ABCC1: variants seen among roughly 807,000 people sequenced by gnomAD.
The protein encoded by ABCC1 is multidrug resistance-associated protein 1.
ABCC1 carries 83 observed loss-of-function variants against 172.9 expected under a neutral mutation model. The ratio of observed to expected loss-of-function variants is 0.48; its 90% CI spans 0.40 to 0.58. The LOEUF (loss-of-function observed/expected upper bound fraction) is 0.58, where lower values mean the gene tolerates loss of function less well. ABCC1 is among the 20% of genes least tolerant of loss of function. ABCC1 has a pLI of 0.00. For missense variants in ABCC1, 1,817 were observed against 2,002.7 expected (o/e 0.91, Z 1.77); for synonymous variants, 937 against 825.2 (o/e 1.14, Z -2.32).
Position 16,136,528 on chromosome 16 carries a change from C to T in ABCC1, c.4176C>T (p.Ser1392=). 1 of 1,614,162 alleles carries T rather than the reference C, an allele frequency of 6.2e-7. No individual in the cohort carries two copies. Among genetic ancestry groups the T allele is most frequent in the Non-Finnish European group, 8.5e-7 (1 of 1,180,020 alleles). The stretch of plus-strand genomic sequence containing the variant: ...TCCGAATGAACCTGGACCCATTCAG[C>T]CAGTACTCGGATGAAGAAGTCTGGA... ...GSLRMNLDPF[S]QYSDEEVWTS... Residue 1392 remains serine (S), a synonymous_variant, in exon 29 of 31, where the codon AGC becomes AGT. Transcript: ENST00000399410.
Position 16,115,063 on chromosome 16 carries a change from ACTT to A in ABCC1, c.3382_3384del (p.Phe1128del). On this transcript the variant is annotated inframe_deletion, in exon 23 of 31. Transcript: ENST00000399410. ...ATCATCCCGCCCCTTGGCCTCATCTACTTCTTCGTCCAGGTAAGGGGTGAGGTC... is the reference window on the plus strand; with the variant it reads ...ATCATCCCGCCCCTTGGCCTCATCTACTTCGTCCAGGTAAGGGGTGAGGTC... The A allele has an allele frequency of 6.2e-7, 1 of 1,613,542 alleles. No individual in the cohort carries two copies.
chr16:15,997,968 C>T (rs2047116077), intron 1 of ABCC1, among the ~76,000 whole-genome samples: 2 of 151,710 alleles, frequency 1.3e-5, no homozygotes, highest in South Asian at 4.2e-4. Flanking sequence ...CATTTGCCAC[C>T]ATGGCTGGCT....
intron 23 of ABCC1, 91 bp from the exon 24 acceptor site, chr16:16,121,884 T>G: frequency 7.1e-7 from 1 of 1,412,670 alleles, no homozygotes; most frequent in East Asian, 2.4e-5. Flanking sequence ...GAGGTATCGG[T>G]TACGTCTAGA....
chr16:15,953,619 A>C (rs1325649082), intron 1 of ABCC1, among the ~76,000 whole-genome samples: 1 of 152,160 alleles, frequency 6.6e-6, no homozygotes. Context: ...GGTCGTTGCC[A>C]CCTGGAATTC....
At chr16:16,073,888 T>C (rs2050450214) in intron 14 of ABCC1, among the ~76,000 whole-genome samples, 1 of 152,204 alleles carries the variant, frequency 6.6e-6, no homozygotes, top group South Asian at 2.1e-4. Context: ...ATTGAATGTG[T>C]GTAAACGTCG....
intron 1 of ABCC1, among the ~76,000 whole-genome samples, chr16:15,965,183 T>A (rs2046216775): frequency 6.6e-6 from 1 of 152,224 alleles, no homozygotes; most frequent in African/African-American, 2.4e-5. Context: ...CCTTTTTAAT[T>A]AAACCTATAA....
chr16:16,106,611 T>C, intron 20 of ABCC1, 127 bp from the exon 21 acceptor site: 1 of 1,074,986 alleles, frequency 9.3e-7, no homozygotes, highest in Non-Finnish European at 1.4e-6. Context: ...TGTTTACATG[T>C]GTGCATGTGG....
At chr16:16,135,925 G>A (rs1165726976) in intron 28 of ABCC1, among the ~76,000 whole-genome samples, 3 of 152,086 alleles carry the variant, frequency 2.0e-5, no homozygotes, top group African/African-American at 7.2e-5. Flanking sequence ...CATTTCTGGA[G>A]GTTCTCAACC....
intron 12 of ABCC1, among the ~76,000 whole-genome samples, chr16:16,064,824 A>G (rs916437052): frequency 1.3e-5 from 2 of 152,242 alleles, no homozygotes; most frequent in Non-Finnish European, 2.9e-5. Context: ...AATAATCTCC[A>G]GTCATGGAAC....
intron 30 of ABCC1, among the ~76,000 whole-genome samples, chr16:16,139,840 C>G (rs542221055): frequency 1.2e-4 from 19 of 152,044 alleles, no homozygotes; most frequent in Non-Finnish European, 2.6e-4. Flanking sequence ...GAGACCTGAA[C>G]AATGAAAAGG....
chr16:16,114,197 A>G (rs1204795399), intron 22 of ABCC1, among the ~76,000 whole-genome samples: 2 of 152,192 alleles, frequency 1.3e-5, no homozygotes, highest in Non-Finnish European at 2.9e-5. Context: ...TCTGGACTTC[A>G]GTTTTCTTAT....
At chr16:16,105,006 C>T (rs886191090) in intron 20 of ABCC1, among the ~76,000 whole-genome samples, 1 of 152,148 alleles carries the variant, frequency 6.6e-6, no homozygotes, top group Non-Finnish European at 1.5e-5. Flanking sequence ...TCCCGTTCCT[C>T]TCCCTCCACA....
Position 15,973,271 on chromosome 16 carries a change from G to A in ABCC1, c.48+23472G>A, listed in dbSNP as rs118175284. ...AAGAAAAAAAGATATTCTTTAAATC[G>A]CCTATTATCAGTGGTTCTTAACTCT... On this transcript the variant is annotated intron_variant, in intron 1 of 30. Coordinates refer to ENST00000399410, the MANE Select transcript of ABCC1 (RefSeq NM_004996.4). Among the ~76,000 whole-genome samples, 29 of 152,040 alleles carry A rather than the reference G, an allele frequency of 1.9e-4. No homozygotes were observed. In the East Asian group the frequency reaches 3.9e-3, roughly 20 times the overall value.
At chr16:16,035,414 A>G (rs894867968) in intron 6 of ABCC1, among the ~76,000 whole-genome samples, 2 of 151,882 alleles carry the variant, frequency 1.3e-5, no homozygotes, top group Non-Finnish European at 2.9e-5. Flanking sequence ...AAACTCAATA[A>G]TCTCATCACC....
chr16:16,039,273 T>TTC lies in ABCC1; in HGVS notation c.809+2671_809+2672insCT, dbSNP rs2048883932. Reference sequence around the variant, plus strand: ...TGTGTGTGTGTGTGTTTTCTTTTTTTTTTTTTTTTTTTGAGATGGAGTCTC... The same window carrying TTC: ...TGTGTGTGTGTGTGTTTTCTTTTTTTTCTTTTTTTTTTTTGAGATGGAGTCTC... On this transcript the variant is annotated intron_variant, in intron 7 of 30. Coordinates refer to ENST00000399410, the MANE Select transcript of ABCC1 (RefSeq NM_004996.4). 2.7e-5 allele frequency among the ~76,000 whole-genome samples: 4 copies of TTC among 146,252 alleles called. No individual in the cohort carries two copies. The Admixed American group carries it at 2.7e-4, about 10-fold the overall frequency.
rs368787837 is a variant in ABCC1 at position 16,014,456 on chromosome 16, A to C, written c.352-35A>C. 9.3e-4 allele frequency: 1,491 copies of C among 1,601,816 alleles called. 2 individuals are homozygous for C. The highest frequency in any genetic ancestry group is 1.1e-3 in the Non-Finnish European group (1,292 of 1,174,388). The stretch of plus-strand genomic sequence containing the variant: ...GAGTGAAACTCTGTCTCAAAAAAAA[A>C]CCCAACAACTCCTGTCTTGTGCTTC... On this transcript the variant is annotated intron_variant, in intron 3 of 30. Coordinates refer to ENST00000399410, the MANE Select transcript of ABCC1 (RefSeq NM_004996.4).
At chr16:16,069,740 A>ACT (rs2050261355) in intron 13 of ABCC1, among the ~76,000 whole-genome samples, 2 of 152,050 alleles carry the variant, frequency 1.3e-5, no homozygotes, top group Admixed American at 1.3e-4. Context: ...AAAGAAAAAA[A>ACT]AAGCCAAGCA....
Position 16,019,350 on chromosome 16 carries a change from C to T in ABCC1, c.615+2729C>T, listed in dbSNP as rs543595614. 2.7e-3 allele frequency among the ~76,000 whole-genome samples: 417 copies of T among 152,226 alleles called. 2 individuals are homozygous for T. The highest frequency in any genetic ancestry group is 0.017 in the Middle Eastern group (5 of 294). On this transcript the variant is annotated intron_variant, in intron 5 of 30. Transcript: ENST00000399410. ...AACTCCTGACCTCAAGTGATCCACC[C>T]GCCTCGGCCTCCCAAAATGTTGGGA... is the stretch of plus-strand genomic sequence containing the variant.
chr16:16,134,410 A>C lies in ABCC1; in HGVS notation c.4027A>C (p.Ile1343Leu). Reference protein sequence around the residue: ...KSSLTLGLFRINESAEGEIII... With the variant: ...KSSLTLGLFRLNESAEGEIII... Reference sequence around the variant, plus strand: ...GTCCCTGACCCTGGGCTTATTTCGGATCAACGAGTCTGCCGAAGGAGAGAT... The same window carrying C: ...GTCCCTGACCCTGGGCTTATTTCGGCTCAACGAGTCTGCCGAAGGAGAGAT... Residue 1343 changes from isoleucine (I) to leucine (L), a missense_variant, in exon 28 of 31, where the codon ATC becomes CTC. Physicochemically the swap from Ile to Leu is conservative, Grantham distance 5. Around this residue, in one of 3 missense-constraint regions of ABCC1, gnomAD observed 1,412 missense variants for 1,600.3 expected, o/e 0.88. Transcript: ENST00000399410. 6.2e-7 allele frequency: 1 copy of C among 1,614,112 alleles called. No homozygotes were observed.
Sources: gnomAD v4.1 joint callset for allele counts (sites outside exome capture counted in the v4.1 genomes callset) on GRCh38, gnomAD v4.1.1 for gene constraint, gnomAD v4.1.1 regional missense constraint, MANE v1.5 for transcripts, NCBI Gene and HGNC (gene_info 2026-07-23, HGNC 2026-07-21) for gene names.